The following ANXA5 variants were observed in gnomAD, a reference collection of about 807,000 sequenced individuals.
The protein encoded by ANXA5 is annexin A5, also known as CBP-I.
ANXA5 carries 40 observed loss-of-function variants against 48.1 expected under a neutral mutation model. The ratio of observed to expected loss-of-function variants is 0.83; its 90% confidence interval spans 0.65 to 1.08. The LOEUF is 1.08. ANXA5 is among the 50% of genes least tolerant of loss of function. The probability of loss-of-function intolerance (pLI) is 0.00; values close to 1 mark genes in which losing one functional copy is unlikely to be tolerated. For missense variants in ANXA5, 357 were observed against 376.8 expected (o/e 0.95, Z 0.44); for synonymous variants, 113 against 129.1 (o/e 0.88, Z 0.85).
intron 12 of ANXA5, chr4:121,669,323 A>T: frequency 3.2e-6 from 1 of 310,304 alleles, no homozygotes; most frequent in Non-Finnish European, 5.9e-6. Context: ...TTATTATCAT[A>T]GGCAAGGGGT....
chr4:121,669,730 A>T lies in ANXA5; in HGVS notation c.781-6T>A. ...TGATCATCTGTCCCAGCTCCCTTTA[A>T]AAAAAAAAAAAAAGAGAGAAGCAAA... On this transcript the variant is annotated splice_region_variant and splice_polypyrimidine_tract_variant and intron_variant, in intron 11 of 12. Coordinates refer to ENST00000296511, the MANE Select transcript of ANXA5 (RefSeq NM_001154.4). 9.9e-7 allele frequency: 1 copy of T among 1,006,508 alleles called. No individual in the cohort carries two copies. Among genetic ancestry groups the T allele is most frequent in the Admixed American group, 2.8e-5 (1 of 36,220 alleles). 62.3% of individuals were successfully genotyped at this position (1,006,508 alleles called of 1,614,324 possible).
At chr4:121,694,268 AAAAT>A (rs1173927309) in intron 2 of ANXA5, among the ~76,000 whole-genome samples, 2 of 115,566 alleles carry the variant, frequency 1.7e-5, no homozygotes, top group African/African-American at 7.9e-5. Context: ...TATATAATAA[AAAAT>A]AAATAAAAAA....
At position 121,681,721 on chromosome 4, in the gene ANXA5, G is replaced by A. The variant is rs1724796081; in HGVS notation, c.344C>T (p.Ala115Val). The change falls in exon 6 of 13, where the codon GCT (alanine) becomes GTT (valine). Residue 115 changes from alanine to valine, a missense_variant. By Grantham distance (64) the Ala-to-Val change is moderately conservative (BLOSUM62 0). Coordinates refer to ENST00000296511, the MANE Select transcript of ANXA5 (RefSeq NM_001154.4). ...TCTCAGTTCTTCAGGTGTCCTTGAA[G>A]CAATAATTTCTGTCAGTACTTTTTC... ...TNEKVLTEII[A>V]SRTPEELRAI... The A allele has an allele frequency of 5.6e-6, 9 of 1,612,740 alleles. No individual in the cohort carries two copies. The highest frequency in any genetic ancestry group is 5.0e-5 in the Admixed American group (3 of 59,958).
At chr4:121,669,409 C>T (rs1370411683) in intron 12 of ANXA5, 193 bp downstream of exon 12, 2 of 669,940 alleles carry the variant, frequency 3.0e-6, no homozygotes, top group African/African-American at 3.6e-5. Context: ...CACATCAATA[C>T]CCATGCTTTC....
Position 121,668,313 on chromosome 4 carries a change from C to T in ANXA5, c.*155G>A. ...CACTAGAGATCAGAAAGAAGCACCACTATTTTCTTCTATGACGTGTATGTG... is the reference window on the plus strand; with the variant it reads ...CACTAGAGATCAGAAAGAAGCACCATTATTTTCTTCTATGACGTGTATGTG... On this transcript the variant is annotated 3_prime_UTR_variant, in exon 13 of 13. Coordinates refer to ENST00000296511, the MANE Select transcript of ANXA5 (RefSeq NM_001154.4). 1 of 627,984 alleles carries T rather than the reference C, an allele frequency of 1.6e-6. No homozygotes were observed. Among genetic ancestry groups the T allele is most frequent in the East Asian group, 2.8e-5 (1 of 35,910 alleles). The allele number at this position is 627,984 out of a possible 1,614,324, so 38.9% of individuals were successfully genotyped here.
intron 4 of ANXA5, among the ~76,000 whole-genome samples, chr4:121,683,900 A>G (rs1487734425): frequency 6.6e-6 from 1 of 152,164 alleles, no homozygotes; most frequent in South Asian, 2.1e-4. Context: ...AATATGTAAT[A>G]ACATTCAAAC....
chr4:121,684,859 T>C (rs1724854570), intron 3 of ANXA5, 88 bp from the exon 4 acceptor site: 3 of 972,446 alleles, frequency 3.1e-6, no homozygotes, highest in East Asian at 2.4e-5. Flanking sequence ...GTCACCTTAT[T>C]TCCTTGCCTC....
intron 2 of ANXA5, among the ~76,000 whole-genome samples, chr4:121,693,471 G>A (rs1312075598): frequency 6.6e-6 from 1 of 152,194 alleles, no homozygotes; most frequent in Non-Finnish European, 1.5e-5. Flanking sequence ...ATGTATTTCA[G>A]GAATGAATCT....
chr4:121,696,414 C>A (rs79593864), intron 2 of ANXA5, among the ~76,000 whole-genome samples, 167 bp downstream of exon 2: 4,783 of 151,744 alleles, frequency 0.032, 106 homozygotes, highest in African/African-American at 0.057. Flanking sequence ...GACACAGAAA[C>A]GGGGGCAGGG....
intron 3 of ANXA5, among the ~76,000 whole-genome samples, chr4:121,685,018 G>GAA (rs56210464): frequency 1.1e-5 from 1 of 93,202 alleles, no homozygotes; most frequent in Non-Finnish European, 2.3e-5. Context: ...CCATCTCTTA[G>GAA]AAAAAAAAAA....
chr4:121,691,609 G>C (rs1443158553), intron 2 of ANXA5, among the ~76,000 whole-genome samples: 1 of 151,824 alleles, frequency 6.6e-6, no homozygotes, highest in Non-Finnish European at 1.5e-5. Context: ...ACCACAAGCT[G>C]AGCAACTGCT....
intron 6 of ANXA5, chr4:121,681,408 C>T (rs971381540): frequency 9.3e-6 from 3 of 320,916 alleles, no homozygotes; most frequent in African/African-American, 4.3e-5. Context: ...TATATCCCTA[C>T]ACTAATTGCA....
chr4:121,687,902 G>A (rs1724920209), intron 2 of ANXA5, among the ~76,000 whole-genome samples: 1 of 152,178 alleles, frequency 6.6e-6, no homozygotes, highest in African/African-American at 2.4e-5. Context: ...GTCAGTTTAA[G>A]GAGGATACCC....
At chr4:121,669,293 T>C (rs1724573074) in intron 12 of ANXA5, 1 of 233,652 alleles carries the variant, frequency 4.3e-6, no homozygotes, top group Non-Finnish European at 8.2e-6. Context: ...CTGGAATTGA[T>C]AAAAGACAGA....
intron 3 of ANXA5, 56 bp from the exon 4 acceptor site, chr4:121,684,827 G>A (rs1403877588): frequency 2.9e-6 from 4 of 1,379,408 alleles, no homozygotes; most frequent in East Asian, 4.6e-5. Flanking sequence ...CTCTCCCAAC[G>A]ATCTTGGCAA....
chr4:121,693,937 C>T (rs1725029214), intron 2 of ANXA5, among the ~76,000 whole-genome samples: 1 of 152,198 alleles, frequency 6.6e-6, no homozygotes, highest in African/African-American at 2.4e-5. Context: ...GCTTGCTCGG[C>T]ACAGGGCTTT....
At chr4:121,686,240 G>T in intron 3 of ANXA5, 48 bp downstream of exon 3, 1 of 1,399,478 alleles carries the variant, frequency 7.1e-7, no homozygotes, top group Non-Finnish European at 1.0e-6. Flanking sequence ...TGACTTGTTT[G>T]GAAAAACAAA....
At chr4:121,676,338 A>G (rs937335030) in intron 8 of ANXA5, among the ~76,000 whole-genome samples, 2 of 152,234 alleles carry the variant, frequency 1.3e-5, no homozygotes, top group African/African-American at 2.4e-5. Flanking sequence ...TGAATATCTT[A>G]CAGTGAAATA....
chr4:121,674,771 T>C (rs1724670680), intron 8 of ANXA5, among the ~76,000 whole-genome samples: 1 of 152,212 alleles, frequency 6.6e-6, no homozygotes. Context: ...GTATCCTTTC[T>C]CCTAAATGAG....
Sources: gnomAD v4.1 joint callset for allele counts (sites outside exome capture counted in the v4.1 genomes callset) on GRCh38, gnomAD v4.1.1 for gene constraint, MANE v1.5 for transcripts, NCBI Gene and HGNC (gene_info 2026-07-23, HGNC 2026-07-21) for gene names.